Variants in CLYBL observed in about 807,000 individuals in gnomAD.
The protein encoded by CLYBL is citramalyl-CoA lyase, mitochondrial.
CLYBL carries 31 observed loss-of-function variants against 38.9 expected under a neutral mutation model. The ratio of observed to expected loss-of-function variants is 0.80; its 90% CI spans 0.60 to 1.08. The LOEUF (loss-of-function observed/expected upper bound fraction) is 1.08, where lower values mean the gene tolerates loss of function less well. CLYBL is among the 50% of genes least tolerant of loss of function. The pLI, the probability that CLYBL is intolerant of heterozygous loss-of-function variation, is 0.00. For synonymous variants in CLYBL, 171 were observed against 158.6 expected (o/e 1.08, Z -0.59); for missense variants, 434 against 411.6 (o/e 1.05, Z -0.47).
At chr13:99,618,788 A>C (rs963068901) in intron 1 of CLYBL, among the ~76,000 whole-genome samples, 8 of 152,006 alleles carry the variant, frequency 5.3e-5, no homozygotes, top group African/African-American at 7.3e-5. Flanking sequence ...TAGGTACTTC[A>C]CATACATAGA....
At chr13:99,899,411 T>C (rs927139416), downstream of CLYBL, among the ~76,000 whole-genome samples, 5 of 152,232 alleles carry the variant, frequency 3.3e-5, no homozygotes, top group Non-Finnish European at 4.4e-5. Flanking sequence ...TCTTGCACCG[T>C]AGACTCTGTC....
intron 1 of CLYBL, among the ~76,000 whole-genome samples, chr13:99,701,889 C>G (rs1364010667): frequency 6.6e-6 from 1 of 152,024 alleles, no homozygotes; most frequent in Non-Finnish European, 1.5e-5. Flanking sequence ...CCAGGCTGGT[C>G]TCAAACTCCT....
chr13:99,739,204 G>A (rs532547989), intron 1 of CLYBL, among the ~76,000 whole-genome samples: 13 of 152,052 alleles, frequency 8.5e-5, no homozygotes, highest in East Asian at 1.9e-4. Flanking sequence ...TTCAGTGTTC[G>A]TAATATGAAA....
intron 1 of CLYBL, among the ~76,000 whole-genome samples, chr13:99,678,820 C>T (rs1198229966): frequency 6.6e-6 from 1 of 151,804 alleles, no homozygotes; most frequent in Non-Finnish European, 1.5e-5. Flanking sequence ...TAGGTTAACT[C>T]TTTAAAAATA....
At chr13:99,712,783 G>A (rs537443420) in intron 1 of CLYBL, among the ~76,000 whole-genome samples, 1 of 152,238 alleles carries the variant, frequency 6.6e-6, no homozygotes, top group South Asian at 2.1e-4. Flanking sequence ...TCCTGAACTT[G>A]TCGCTTTCTA....
chr13:99,897,353 C>T (rs1289919590), downstream of CLYBL, among the ~76,000 whole-genome samples: 3 of 152,212 alleles, frequency 2.0e-5, no homozygotes, highest in African/African-American at 7.2e-5. Context: ...ACGCAGGGAA[C>T]TGGAAACCTG....
chr13:99,789,849 C>A (rs556269217), intron 2 of CLYBL, among the ~76,000 whole-genome samples: 2 of 152,278 alleles, frequency 1.3e-5, no homozygotes, highest in East Asian at 1.9e-4. Flanking sequence ...CTTTGTAGAT[C>A]TCTAAGGACT....
intron 2 of CLYBL, among the ~76,000 whole-genome samples, chr13:99,794,007 A>G (rs1368066749): frequency 2.0e-5 from 3 of 152,268 alleles, no homozygotes; most frequent in Non-Finnish European, 4.4e-5. Flanking sequence ...GGTGAAAATC[A>G]TTAAAGTTAC....
intron 1 of CLYBL, among the ~76,000 whole-genome samples, chr13:99,649,020 A>G (rs182084843): frequency 9.2e-5 from 14 of 152,012 alleles, no homozygotes; most frequent in African/African-American, 3.4e-4. Flanking sequence ...TGCTAAATGC[A>G]TAAACTTTCA....
intron 1 of CLYBL, among the ~76,000 whole-genome samples, chr13:99,637,696 T>G (rs2047038694): frequency 6.6e-6 from 1 of 152,172 alleles, no homozygotes; most frequent in Admixed American, 6.5e-5. Context: ...AGGTGGAGGT[T>G]GCGGTGAGCT....
rs1045828318 is a variant in CLYBL at position 99,630,497 on chromosome 13, T to C, written c.62+23740T>C. Among the ~76,000 whole-genome samples the C allele has an allele frequency of 2.0e-4, 30 of 151,956 alleles. 1 individual carries two copies. Among genetic ancestry groups the C allele is most frequent in the Non-Finnish European group, 4.4e-4 (30 of 68,002 alleles). On this transcript the variant is annotated intron_variant, in intron 1 of 8. Transcript: ENST00000339105. ...AGTGGAGAAGTTGGGGGCAGGGGAG[T>C]GCTGGCAAGGATGAACTTTGCCTAT...
At chr13:99,882,556 G>T (rs1052707363) in intron 7 of CLYBL, among the ~76,000 whole-genome samples, 49 of 152,000 alleles carry the variant, frequency 3.2e-4, no homozygotes, top group African/African-American at 1.2e-3. Context: ...GTCAGCTAGT[G>T]GGGAGGCTGA....
chr13:99,856,110 G>A (rs1306380146), intron 2 of CLYBL, among the ~76,000 whole-genome samples: 1 of 152,208 alleles, frequency 6.6e-6, no homozygotes, highest in African/African-American at 2.4e-5. Context: ...TTCATTTGCA[G>A]CCAATTTCAC....
chr13:99,712,211 T>G (rs897297971), intron 1 of CLYBL, among the ~76,000 whole-genome samples: 1 of 152,196 alleles, frequency 6.6e-6, no homozygotes, highest in African/African-American at 2.4e-5. Flanking sequence ...ATTATACCCC[T>G]GATACACACT....
At chr13:99,679,307 A>AG in intron 1 of CLYBL, among the ~76,000 whole-genome samples, 1 of 150,578 alleles carries the variant, frequency 6.6e-6, no homozygotes, top group Non-Finnish European at 1.5e-5. Context: ...AAAAAAAAAA[A>AG]AGAAAAGAAA....
intron 1 of CLYBL, among the ~76,000 whole-genome samples, chr13:99,621,081 A>C (rs2139202715): frequency 6.6e-6 from 1 of 152,272 alleles, no homozygotes; most frequent in South Asian, 2.1e-4. Context: ...ACATGCCTGC[A>C]CCAGAGGACT....
chr13:99,662,589 T>TA (rs2047425693), intron 1 of CLYBL, among the ~76,000 whole-genome samples: 1 of 145,772 alleles, frequency 6.9e-6, no homozygotes, highest in South Asian at 2.1e-4. Flanking sequence ...CCTTTTTTTT[T>TA]ATTAGTATTA....
chr13:99,737,840 C>T (rs1020699137), intron 1 of CLYBL, among the ~76,000 whole-genome samples: 9 of 152,114 alleles, frequency 5.9e-5, no homozygotes, highest in African/African-American at 2.2e-4. Context: ...AGTCCTCCAA[C>T]TTTTAGAAGA....
At chr13:99,664,263 CA>C (rs1170746619) in intron 1 of CLYBL, among the ~76,000 whole-genome samples, 1 of 152,220 alleles carries the variant, frequency 6.6e-6, no homozygotes, top group East Asian at 1.9e-4. Context: ...ATAAAGGTTA[CA>C]AAAAAAGTTC....
Sources: allele counts gnomAD v4.1 joint callset (sites outside exome capture counted in the v4.1 genomes callset), GRCh38; gene constraint gnomAD v4.1.1; transcripts MANE v1.5; gene names NCBI Gene and HGNC (gene_info 2026-07-23, HGNC 2026-07-21).